The following HIVEP2 variants were observed in gnomAD, a reference collection of about 807,000 sequenced individuals.
The protein encoded by HIVEP2 is HIVEP zinc finger 2, also known as transcription factor HIVEP2.
A neutral mutation model predicts 180.7 loss-of-function variants in HIVEP2; 14 were observed. The observed-to-expected ratio is 0.08, with a 90% CI of 0.05 to 0.12. HIVEP2 has a LOEUF of 0.12. Among genes scored for constraint, HIVEP2 ranks in the 10% least tolerant of loss-of-function variants. The pLI is 1.00. For synonymous variants in HIVEP2, 1,184 were observed against 1,136.4 expected (o/e 1.04, Z -0.84); for missense variants, 2,579 against 3,008.5 (o/e 0.86, Z 3.34).
chr6:142,759,813 C>G lies in HIVEP2; in HGVS notation c.6475G>C (p.Gly2159Arg), dbSNP rs761993070. Residue 2159 changes from glycine to arginine, a missense_variant, in exon 9 of 10, where the codon GGA (glycine) becomes CGA (arginine). Gly to Arg is a moderately radical substitution (Grantham distance 125). Coordinates refer to ENST00000367603, the MANE Select transcript of HIVEP2 (RefSeq NM_006734.4). ...ALYHNPPLSM[G>R]QYLQAEPIVL... ...ATTGGCTCTGCTTGCAAATACTGTCCCATGGACAATGGTGGGTTATGGTAT... is the reference window on the plus strand; with the variant it reads ...ATTGGCTCTGCTTGCAAATACTGTCGCATGGACAATGGTGGGTTATGGTAT... 16 of 1,612,774 alleles carry G rather than the reference C, an allele frequency of 9.9e-6. No individual in the cohort carries two copies. The South Asian group carries it at 1.8e-4, about 18-fold the overall frequency.
chr6:142,778,295 G>T (rs2114678393), intron 3 of HIVEP2, among the ~76,000 whole-genome samples: 1 of 152,254 alleles, frequency 6.6e-6, no homozygotes, highest in East Asian at 1.9e-4. Flanking sequence ...CAGGAACCAT[G>T]CTAACAAGAA....
intron 1 of HIVEP2, among the ~76,000 whole-genome samples, chr6:142,838,083 A>C (rs767129704): frequency 2.0e-5 from 3 of 152,108 alleles, no homozygotes; most frequent in Non-Finnish European, 4.4e-5. Flanking sequence ...TCTCAGTATT[A>C]AAAAATAAAG....
chr6:142,793,673 T>TTCTCTCTCTCTCTC lies in HIVEP2; in HGVS notation c.-527-10072_-527-10059dup, dbSNP rs71546219. 1.4e-3 allele frequency among the ~76,000 whole-genome samples: 148 copies of TTCTCTCTCTCTCTC among 107,452 alleles called. 1 individual carries two copies. The highest frequency in any genetic ancestry group is 5.2e-3 in the East Asian group (16 of 3,070). 70.5% of individuals were successfully genotyped at this position (107,452 alleles called of 152,430 possible). A position where few individuals can be genotyped will look rare whatever the true frequency, so the allele number is the denominator to read the frequency against. ...CTTTCTTTCTTTTTTCTTTCTTTCT[T>TTCTCTCTCTCTCTC]TCTCTCTCTCTCTCTCTCTCTCTCT... is the stretch of plus-strand genomic sequence containing the variant. On this transcript the variant is annotated intron_variant, in intron 2 of 9. Transcript: ENST00000367603.
At chr6:142,878,541 C>T (rs1163775794) in intron 1 of HIVEP2, among the ~76,000 whole-genome samples, 2 of 152,262 alleles carry the variant, frequency 1.3e-5, no homozygotes, top group African/African-American at 4.8e-5. Flanking sequence ...TGGTCAAAAG[C>T]TGTCCATAAC....
chr6:142,843,586 C>A (rs1477584796), intron 1 of HIVEP2, among the ~76,000 whole-genome samples: 1 of 152,116 alleles, frequency 6.6e-6, no homozygotes, highest in Non-Finnish European at 1.5e-5. Flanking sequence ...AGAGTTCCCA[C>A]AAGAGAAAGC....
chr6:142,887,572 A>G (rs1301573010), intron 1 of HIVEP2, among the ~76,000 whole-genome samples: 1 of 152,220 alleles, frequency 6.6e-6, no homozygotes, highest in Admixed American at 6.5e-5. Flanking sequence ...ATCAATTCAG[A>G]GATCACCGAT....
intron 1 of HIVEP2, among the ~76,000 whole-genome samples, chr6:142,920,503 G>C (rs1777660175): frequency 6.6e-6 from 1 of 151,972 alleles, no homozygotes; most frequent in South Asian, 2.1e-4. Context: ...AACTCATTTG[G>C]AAATTCCCTA....
chr6:142,810,130 C>T (rs1418434606), intron 2 of HIVEP2, among the ~76,000 whole-genome samples: 1 of 152,122 alleles, frequency 6.6e-6, no homozygotes, highest in Non-Finnish European at 1.5e-5. Context: ...ACCTACCCTG[C>T]AGAATGTTGT....
At chr6:142,929,928 A>C (rs1406431821) in intron 1 of HIVEP2, among the ~76,000 whole-genome samples, 1 of 152,202 alleles carries the variant, frequency 6.6e-6, no homozygotes, top group African/African-American at 2.4e-5. Context: ...TTGTTTCACA[A>C]ACTGGCCTCC....
At chr6:142,850,729 A>G (rs1161742937) in intron 1 of HIVEP2, among the ~76,000 whole-genome samples, 1 of 152,228 alleles carries the variant, frequency 6.6e-6, no homozygotes, top group African/African-American at 2.4e-5. Context: ...TGACAATTAT[A>G]AGTTATCAGT....
chr6:142,914,471 A>G (rs1777500097), intron 1 of HIVEP2, among the ~76,000 whole-genome samples: 2 of 152,208 alleles, frequency 1.3e-5, no homozygotes. Flanking sequence ...TAAGCTGCTC[A>G]GTAATTATTA....
chr6:142,901,825 A>G (rs937877854), intron 1 of HIVEP2, among the ~76,000 whole-genome samples: 3 of 152,210 alleles, frequency 2.0e-5, no homozygotes, highest in African/African-American at 7.2e-5. Flanking sequence ...CGTCTTAACC[A>G]GAACAGCAAA....
chr6:142,906,856 A>G (rs1320258346), intron 1 of HIVEP2, among the ~76,000 whole-genome samples: 2 of 152,242 alleles, frequency 1.3e-5, no homozygotes, highest in Non-Finnish European at 2.9e-5. Flanking sequence ...AAGTTGATAC[A>G]TTATAAAAGC....
chr6:142,877,052 T>C (rs1199794718), intron 1 of HIVEP2, among the ~76,000 whole-genome samples: 2 of 152,140 alleles, frequency 1.3e-5, no homozygotes, highest in Non-Finnish European at 2.9e-5. Context: ...CTGTCTCAAA[T>C]AAAAACATTA....
At chr6:142,844,299 T>G (rs1214259402) in intron 1 of HIVEP2, among the ~76,000 whole-genome samples, 1 of 152,200 alleles carries the variant, frequency 6.6e-6, no homozygotes, top group African/African-American at 2.4e-5. Context: ...TAAACTTTTT[T>G]TTTTTAATGA....
At chr6:142,796,964 A>C (rs1562523135) in intron 2 of HIVEP2, among the ~76,000 whole-genome samples, 1 of 152,178 alleles carries the variant, frequency 6.6e-6, no homozygotes, top group Non-Finnish European at 1.5e-5. Flanking sequence ...ATGCAGATTT[A>C]ATACTGCATC....
intron 1 of HIVEP2, among the ~76,000 whole-genome samples, chr6:142,927,067 C>T (rs1777836519): frequency 6.6e-6 from 1 of 151,616 alleles, no homozygotes; most frequent in Non-Finnish European, 1.5e-5. Context: ...CTCCCGGCGC[C>T]TCCGTCCCCG....
chr6:142,764,704 C>A (rs376839134), intron 7 of HIVEP2, 95 bp downstream of exon 7: 11 of 894,412 alleles, frequency 1.2e-5, no homozygotes, highest in South Asian at 9.3e-5. Context: ...AACAAACTAT[C>A]TTTATTGTTG....
At chr6:142,868,462 T>A (rs1209578638) in intron 1 of HIVEP2, among the ~76,000 whole-genome samples, 1 of 152,220 alleles carries the variant, frequency 6.6e-6, no homozygotes, top group Non-Finnish European at 1.5e-5. Flanking sequence ...TATGTCTATT[T>A]GTCTCCTTAT....
Sources: allele counts gnomAD v4.1 joint callset (sites outside exome capture counted in the v4.1 genomes callset), GRCh38; gene constraint gnomAD v4.1.1; transcripts MANE v1.5; gene names NCBI Gene and HGNC (gene_info 2026-07-23, HGNC 2026-07-21).